Variants in PAM observed in about 807,000 individuals in gnomAD.
PAM encodes peptidylglycine alpha-amidating monooxygenase.
PAM carries 72 observed loss-of-function variants against 122.1 expected under a neutral mutation model. The ratio of observed to expected loss-of-function variants is 0.59; its 90% CI spans 0.49 to 0.72. The LOEUF is 0.72. Ranked by LOEUF, PAM falls within the 30% of genes least tolerant of loss-of-function variation. The probability of loss-of-function intolerance (pLI) is 0.00; values close to 1 mark genes in which losing one functional copy is unlikely to be tolerated. For missense variants in PAM, 1,106 were observed against 1,183.7 expected (o/e 0.93, Z 0.96); for synonymous variants, 389 against 404.4 (o/e 0.96, Z 0.46).
intron 21 of PAM, 27 bp downstream of exon 21, chr5:103,009,893 A>T: frequency 8.4e-7 from 1 of 1,184,570 alleles, no homozygotes; most frequent in Non-Finnish European, 1.2e-6. Context: ...TCTAGGTTTC[A>T]ATTTTCATGA....
chr5:102,934,662 C>T (rs1395202215), intron 7 of PAM, among the ~76,000 whole-genome samples: 3 of 152,126 alleles, frequency 2.0e-5, no homozygotes, highest in Non-Finnish European at 4.4e-5. Flanking sequence ...GAATTAGGAG[C>T]TTTTAATATT....
Position 102,974,308 on chromosome 5 carries a change from T to G in PAM, c.1355T>G (p.Ile452Ser), listed in dbSNP as rs571218167. ...GCAGAACATGAGAGGGGTAATGCTATTCTTGTCAGAGACAGAATTCACAAA... is the reference window on the plus strand; with the variant it reads ...GCAGAACATGAGAGGGGTAATGCTAGTCTTGTCAGAGACAGAATTCACAAA... ...EGAEHERGNA[I>S]LVRDRIHKFH... Residue 452 changes from isoleucine (I) to serine (S), a missense_variant, in exon 15 of 26, where the codon ATT becomes AGT. Physicochemically the swap from Ile to Ser is moderately radical, Grantham distance 142. Transcript: ENST00000438793. 3 of 1,614,044 alleles carry G rather than the reference T, an allele frequency of 1.9e-6. No homozygotes were observed. In the South Asian group the frequency reaches 3.3e-5, roughly 18 times the overall value.
At position 102,961,173 on chromosome 5, in the gene PAM, A is replaced by T; in HGVS notation, c.1106A>T (p.Asp369Val). The change falls in exon 14 of 26, where the codon GAT becomes GTT. Residue 369 changes from aspartate (D) to valine (V), a missense_variant. Coordinates refer to ENST00000438793, the MANE Select transcript of PAM (RefSeq NM_001177306.2). ...TCCTTTACAGAAACAGAATATAAAG[A>T]TAAGATTCCTTTACTACAGCAGCCA... ...HEHHKETEYK[D>V]KIPLLQQPKR... The T allele has an allele frequency of 6.4e-7, 1 of 1,566,168 alleles. No homozygotes were observed. Among genetic ancestry groups the T allele is most frequent in the South Asian group, 1.1e-5 (1 of 90,098 alleles).
intron 23 of PAM, among the ~76,000 whole-genome samples, chr5:103,021,299 T>C (rs932917024): frequency 1.3e-5 from 2 of 152,190 alleles, no homozygotes; most frequent in Non-Finnish European, 2.9e-5. Context: ...TCATTCACTA[T>C]AAATTCTCCC....
At chr5:102,859,388 A>C (rs1783499359) in intron 1 of PAM, among the ~76,000 whole-genome samples, 1 of 151,748 alleles carries the variant, frequency 6.6e-6, no homozygotes, top group South Asian at 2.1e-4. Flanking sequence ...TTTTAACAAA[A>C]AAGCTTAAAA....
At chr5:102,936,031 CAAG>C (rs1753136043) in intron 7 of PAM, among the ~76,000 whole-genome samples, 1 of 152,094 alleles carries the variant, frequency 6.6e-6, no homozygotes, top group Non-Finnish European at 1.5e-5. Context: ...AAAATAAAGG[CAAG>C]AAATACTCAA....
intron 1 of PAM, among the ~76,000 whole-genome samples, chr5:102,766,986 T>C (rs1049289215): frequency 4.4e-5 from 6 of 134,840 alleles, no homozygotes; most frequent in Non-Finnish European, 9.7e-5. Context: ...GACTTTCTGT[T>C]CTTTCTTTCT....
chr5:102,953,654 T>C (rs1402326691), intron 12 of PAM, among the ~76,000 whole-genome samples: 1 of 152,114 alleles, frequency 6.6e-6, no homozygotes, highest in Non-Finnish European at 1.5e-5. Context: ...AGAATGACTA[T>C]AGTCAATATA....
chr5:102,872,274 A>G (rs568354992), intron 3 of PAM, among the ~76,000 whole-genome samples: 36 of 152,324 alleles, frequency 2.4e-4, no homozygotes, highest in Middle Eastern at 3.4e-3. Context: ...TTCTGAGTTT[A>G]AGAATCACAG....
chr5:102,900,254 T>TGTGGGGGGGGGGGGGGGGGGGGGGG (rs777616737), intron 3 of PAM, among the ~76,000 whole-genome samples: 1 of 26,978 alleles, frequency 3.7e-5, no homozygotes, highest in African/African-American at 1.7e-4. Flanking sequence ...TGTGTGTGTG[T>TGTGGGGGGGGGGGGGGGGGGGGGGG]GGGGGGGGGG....
chr5:103,018,798 G>A (rs911901249), intron 22 of PAM, among the ~76,000 whole-genome samples: 3 of 152,122 alleles, frequency 2.0e-5, no homozygotes, highest in South Asian at 2.1e-4. Flanking sequence ...CCTGTATACC[G>A]TGATCCCCAG....
intron 15 of PAM, among the ~76,000 whole-genome samples, chr5:102,983,336 G>A (rs778777523): frequency 9.3e-5 from 14 of 151,252 alleles, no homozygotes; most frequent in Non-Finnish European, 1.6e-4. Context: ...TATAATTACA[G>A]CTACTCGGGA....
chr5:102,910,527 A>G (rs1320853389), intron 4 of PAM, among the ~76,000 whole-genome samples: 3 of 151,882 alleles, frequency 2.0e-5, no homozygotes, highest in East Asian at 1.9e-4. Context: ...ACATCAGGCA[A>G]TCTGAACTGT....
intron 1 of PAM, among the ~76,000 whole-genome samples, chr5:102,774,617 A>T (rs1219631531): frequency 6.6e-6 from 1 of 152,104 alleles, no homozygotes; most frequent in Non-Finnish European, 1.5e-5. Flanking sequence ...TACTATTGAG[A>T]TGGTACAGTT....
chr5:102,900,489 A>G (rs763296824), intron 3 of PAM, among the ~76,000 whole-genome samples: 3 of 151,570 alleles, frequency 2.0e-5, no homozygotes, highest in Non-Finnish European at 4.4e-5. Flanking sequence ...ACAAGTAGAA[A>G]CATAGGTACA....
At chr5:102,878,424 G>A (rs970791601) in intron 3 of PAM, among the ~76,000 whole-genome samples, 2 of 151,982 alleles carry the variant, frequency 1.3e-5, no homozygotes, top group Admixed American at 6.6e-5. Context: ...GATAATGAAC[G>A]ACTATGTTAC....
At position 102,867,391 on chromosome 5, in the gene PAM, C is replaced by A; in HGVS notation, c.208C>A (p.Gln70Lys). Residue 70 changes from glutamine (Q) to lysine (K), a missense_variant and splice_region_variant, in exon 3 of 26, where the codon CAG becomes AAG. Gln to Lys is a moderately conservative substitution (Grantham distance 53). Around this residue, in one of 3 missense-constraint regions of PAM, gnomAD observed 670 missense variants for 690.3 expected, o/e 0.97. Coordinates refer to ENST00000438793, the MANE Select transcript of PAM (RefSeq NM_001177306.2). ...DIRMPGVTPK[Q>K]SDTYFCMSMR... ...TCGCATGCCTGGGGTTACACCTAAA[C>A]AGGTGAGAGGAATTTTGTCTTTCAT... 6.2e-7 allele frequency: 1 copy of A among 1,606,288 alleles called. No homozygotes were observed. Among genetic ancestry groups the A allele is most frequent in the Non-Finnish European group, 8.5e-7 (1 of 1,173,920 alleles).
In PAM at chr5:102,881,129, T is replaced by TATACACACACACACACAC. The variant is rs145380302; in HGVS notation, c.210+13737_210+13738insTACACACACACACACACA. 4.9e-3 allele frequency among the ~76,000 whole-genome samples: 708 copies of TATACACACACACACACAC among 145,790 alleles called. 4 individuals carry two copies. Among genetic ancestry groups the TATACACACACACACACAC allele is most frequent in the African/African-American group, 0.017 (658 of 38,436 alleles). On this transcript the variant is annotated intron_variant, in intron 3 of 25. Transcript: ENST00000438793. ...AAAATTAAAAAATAATTTTTATACA[T>TATACACACACACACACAC]ACACACACACACACACACACACACA...
Position 103,029,053 on chromosome 5 carries a change from TTCC to T in PAM, c.2918_2920del (p.Ser973del). 2 of 1,602,676 alleles carry T rather than the reference TTCC, an allele frequency of 1.2e-6. No individual in the cohort carries two copies. The highest frequency in any genetic ancestry group is 2.2e-5 in the East Asian group (1 of 44,836). ...CAGCACCTCTGCCTGCGCTCGCACC[TTCC>T]TCCTCCTGAAAACCAAGCTTTGATT... On this transcript the variant is annotated inframe_deletion, in exon 26 of 26. Transcript: ENST00000438793.
Sources: gnomAD v4.1 joint callset for allele counts (sites outside exome capture counted in the v4.1 genomes callset) on GRCh38, gnomAD v4.1.1 for gene constraint, gnomAD v4.1.1 regional missense constraint, MANE v1.5 for transcripts, NCBI Gene and HGNC (gene_info 2026-07-23, HGNC 2026-07-21) for gene names.